Variants in RNFT2 observed in about 807,000 individuals in gnomAD.
RNFT2 encodes ring finger protein, transmembrane 2.
RNFT2 carries 36 observed loss-of-function variants against 53.0 expected under a neutral mutation model. That is an observed-to-expected ratio of 0.68 (90% CI 0.52 to 0.90). The LOEUF (loss-of-function observed/expected upper bound fraction) is 0.90. Among genes scored for constraint, RNFT2 ranks in the 40% least tolerant of loss-of-function variants. RNFT2 has a pLI of 0.00. For missense variants in RNFT2, 514 were observed against 585.6 expected, an observed-to-expected ratio of 0.88 and a Z score of 1.26; for synonymous variants, 260 against 253.2, an observed-to-expected ratio of 1.03 and a Z score of -0.26.
chr12:116,789,661 GGATGGATA>G (rs1208151033), intron 7 of RNFT2, among the ~76,000 whole-genome samples: 1 of 145,802 alleles, frequency 6.9e-6, no homozygotes, highest in Non-Finnish European at 1.5e-5. Flanking sequence ...ATGGATGGAT[GGATGGATA>G]AATGGGAGGA....
At chr12:116,837,799 G>A (rs572027501) in intron 10 of RNFT2, among the ~76,000 whole-genome samples, 1 of 152,242 alleles carries the variant, frequency 6.6e-6, no homozygotes, top group South Asian at 2.1e-4. Flanking sequence ...TTTGACAAAT[G>A]TACCACGGTA....
chr12:116,832,148 A>ATATATATATAT (rs56674314), intron 7 of RNFT2, among the ~76,000 whole-genome samples: 51 of 55,156 alleles, frequency 9.2e-4, no homozygotes, highest in African/African-American at 3.2e-3. Flanking sequence ...AAAAAAAAAA[A>ATATATATATAT]ATATATATAT....
intron 7 of RNFT2, among the ~76,000 whole-genome samples, chr12:116,789,458 A>G (rs62637916): frequency 3.6e-5 from 5 of 139,904 alleles, no homozygotes; most frequent in African/African-American, 1.1e-4. Flanking sequence ...GGATGGATGG[A>G]TGGATGGGTG....
At chr12:116,845,894 TC>T (rs2137224574) in intron 10 of RNFT2, among the ~76,000 whole-genome samples, 1 of 152,274 alleles carries the variant, frequency 6.6e-6, no homozygotes, top group South Asian at 2.1e-4. Context: ...ACAGGAGACT[TC>T]CTTCAGCCTG....
chr12:116,775,723 A>G (rs1241965840), intron 6 of RNFT2, among the ~76,000 whole-genome samples: 4 of 150,032 alleles, frequency 2.7e-5, no homozygotes, highest in Non-Finnish European at 6.0e-5. Context: ...CATATATCAC[A>G]ATTAATATGA....
intron 7 of RNFT2, among the ~76,000 whole-genome samples, chr12:116,813,147 C>T (rs78754402): frequency 0.039 from 5,884 of 151,636 alleles, 248 homozygotes; most frequent in East Asian, 0.14. Context: ...TTTGTAGAGA[C>T]AGGGTTTTGC....
At chr12:116,764,824 G>A (rs1333115324) in intron 5 of RNFT2, among the ~76,000 whole-genome samples, 4 of 152,186 alleles carry the variant, frequency 2.6e-5, no homozygotes, top group Admixed American at 6.5e-5. Context: ...CCCAGGAGGC[G>A]GAGGTTGCAA....
At chr12:116,845,169 A>G (rs1287440273) in intron 10 of RNFT2, among the ~76,000 whole-genome samples, 2 of 150,844 alleles carry the variant, frequency 1.3e-5, no homozygotes, top group African/African-American at 2.4e-5. Flanking sequence ...ACTCAAGCCC[A>G]GGAGATCAAG....
Position 116,849,760 on chromosome 12 carries a change from TGTTG to T in RNFT2, c.*316_*319del. On this transcript the variant is annotated 3_prime_UTR_variant, in exon 11 of 11. Transcript: ENST00000257575. ...CCTGGCAATACATGAAGTTCCCACT[TGTTG>T]GTTATTTTCTCTTTCTTTTTTCTTT... 1 of 1,162,132 alleles carries T rather than the reference TGTTG, an allele frequency of 8.6e-7. No individual in the cohort carries two copies. Among genetic ancestry groups the T allele is most frequent in the South Asian group, 4.4e-5 (1 of 22,838 alleles). 72.0% of individuals were successfully genotyped at this position (1,162,132 alleles called of 1,614,324 possible). A position where few individuals can be genotyped will look rare whatever the true frequency, so the allele number is the denominator to read the frequency against.
chr12:116,793,893 C>G (rs1273278077), intron 7 of RNFT2, among the ~76,000 whole-genome samples: 1 of 152,156 alleles, frequency 6.6e-6, no homozygotes, highest in Non-Finnish European at 1.5e-5. Context: ...TTCTGTCCTT[C>G]CCCACTAGAA....
chr12:116,812,753 C>A (rs2137168362), intron 7 of RNFT2, among the ~76,000 whole-genome samples: 1 of 152,072 alleles, frequency 6.6e-6, no homozygotes, highest in East Asian at 1.9e-4. Context: ...AGGCTGGTCT[C>A]TAAATCATGG....
intron 3 of RNFT2, 147 bp downstream of exon 3, chr12:116,741,241 T>C: frequency 1.5e-6 from 1 of 660,450 alleles, no homozygotes; most frequent in South Asian, 1.9e-5. Flanking sequence ...CAACGCATAA[T>C]AGCTTGCTCT....
intron 6 of RNFT2, among the ~76,000 whole-genome samples, chr12:116,770,703 G>C (rs574535770): frequency 2.0e-5 from 3 of 151,814 alleles, no homozygotes; most frequent in Non-Finnish European, 4.4e-5. Context: ...GACTTCAGGC[G>C]CATGTTACCA....
At chr12:116,794,992 A>C (rs1260625404) in intron 7 of RNFT2, among the ~76,000 whole-genome samples, 3 of 152,194 alleles carry the variant, frequency 2.0e-5, no homozygotes, top group Non-Finnish European at 2.9e-5. Context: ...ACTTAGCCCA[A>C]ACCTTGGTAA....
intron 4 of RNFT2, among the ~76,000 whole-genome samples, chr12:116,750,904 ATATATTTT>A (rs1872218427): frequency 7.2e-5 from 3 of 41,628 alleles, no homozygotes; most frequent in Non-Finnish European, 1.5e-4. Context: ...ATATATATAT[ATATATTTT>A]TTTTTGAGAC....
At chr12:116,749,726 G>A in intron 3 of RNFT2, 115 bp from the exon 4 acceptor site, 3 of 912,620 alleles carry the variant, frequency 3.3e-6, no homozygotes, top group Non-Finnish European at 5.0e-6. Flanking sequence ...GTGAATTTGA[G>A]GGGGACACAG....
At chr12:116,841,983 A>G (rs1397429436) in intron 10 of RNFT2, among the ~76,000 whole-genome samples, 5 of 120,422 alleles carry the variant, frequency 4.2e-5, no homozygotes, top group African/African-American at 6.0e-5. Context: ...AGAGAGAGAG[A>G]GAGGGAGGAT....
chr12:116,742,741 GT>G (rs1167029484), intron 3 of RNFT2, among the ~76,000 whole-genome samples: 3 of 152,150 alleles, frequency 2.0e-5, no homozygotes, highest in Admixed American at 1.3e-4. Context: ...CCAGGAGTTA[GT>G]TGGAGACCAG....
At chr12:116,770,782 C>T (rs1261027535) in intron 6 of RNFT2, among the ~76,000 whole-genome samples, 1 of 152,120 alleles carries the variant, frequency 6.6e-6, no homozygotes, top group Non-Finnish European at 1.5e-5. Context: ...TGGTCTTGAA[C>T]TCCTTGCCTC....
Sources: gnomAD v4.1 joint callset for allele counts (sites outside exome capture counted in the v4.1 genomes callset) on GRCh38, gnomAD v4.1.1 for gene constraint, MANE v1.5 for transcripts, NCBI Gene and HGNC (gene_info 2026-07-23, HGNC 2026-07-21) for gene names.